Variants in TAFA5 observed in about 807,000 individuals in gnomAD.
TAFA5 encodes TAFA chemokine like family member 5, also known as chemokine-like protein TAFA-5.
Under a neutral mutation model 15.3 loss-of-function variants are expected in TAFA5, and 6 were observed. The observed-to-expected ratio is 0.39, with a 90% CI of 0.21 to 0.77. The LOEUF is 0.77. Among genes scored for constraint, TAFA5 ranks in the 30% least tolerant of loss-of-function variants. The pLI, the probability that TAFA5 is intolerant of heterozygous loss-of-function variation, is 0.41. For missense variants in TAFA5, 161 were observed against 193.1 expected (o/e 0.83, Z 0.98); for synonymous variants, 103 against 80.7 (o/e 1.28, Z -1.48).
At chr22:48,589,000 G>A (rs1924462321) in intron 1 of TAFA5, among the ~76,000 whole-genome samples, 1 of 152,222 alleles carries the variant, frequency 6.6e-6, no homozygotes, top group South Asian at 2.1e-4. Flanking sequence ...AGCCAAGCAG[G>A]CCTTCTGATT....
intron 3 of TAFA5, among the ~76,000 whole-genome samples, chr22:48,720,968 C>T (rs117298139): frequency 0.014 from 2,064 of 152,292 alleles, 24 homozygotes; most frequent in South Asian, 0.055. Context: ...AGTGAAGTCA[C>T]ACCCACGTGA....
intron 1 of TAFA5, among the ~76,000 whole-genome samples, chr22:48,592,139 A>AGTTGCT (rs1195452824): frequency 1.3e-5 from 2 of 152,102 alleles, no homozygotes; most frequent in African/African-American, 2.4e-5. Context: ...CCACGGGTGG[A>AGTTGCT]GTTGCTGTTG....
chr22:48,661,966 G>A (rs996051664), intron 2 of TAFA5, among the ~76,000 whole-genome samples: 6 of 142,168 alleles, frequency 4.2e-5, no homozygotes, highest in African/African-American at 1.3e-4. Context: ...TCATTGGGGT[G>A]CCCACTTTGG....
At chr22:48,626,292 A>G (rs1216858766) in intron 1 of TAFA5, among the ~76,000 whole-genome samples, 2 of 152,192 alleles carry the variant, frequency 1.3e-5, no homozygotes, top group East Asian at 1.9e-4. Context: ...AAGTGGCTGC[A>G]TTATATCGGA....
intron 1 of TAFA5, among the ~76,000 whole-genome samples, chr22:48,509,833 CCCAGCTACTTGGG>C (rs1921144824): frequency 2.6e-5 from 4 of 151,870 alleles, no homozygotes; most frequent in African/African-American, 9.7e-5. Context: ...CGCCTGTAGT[CCCAGCTACTTGGG>C]AGGCTGAGGC....
At chr22:48,583,332 G>A (rs1246592281) in intron 1 of TAFA5, among the ~76,000 whole-genome samples, 1 of 85,660 alleles carries the variant, frequency 1.2e-5, no homozygotes, top group African/African-American at 4.9e-5. Flanking sequence ...CACAAAATAC[G>A]CACACCAGTG....
chr22:48,583,148 CACACACA>C (rs1224887751), intron 1 of TAFA5, among the ~76,000 whole-genome samples: 1 of 141,902 alleles, frequency 7.0e-6, no homozygotes, highest in East Asian at 2.2e-4. Context: ...CACCACACAC[CACACACA>C]AAATATACCA....
rs568405886 is a variant in TAFA5, at chr22:48,750,043, C to T, written c.*196C>T. 57 of 610,044 alleles carry T rather than the reference C, an allele frequency of 9.3e-5. No individual in the cohort carries two copies. The highest frequency in any genetic ancestry group is 9.1e-4 in the African/African-American group (49 of 54,032). 37.8% of individuals were successfully genotyped at this position (610,044 alleles called of 1,614,324 possible). A position where few individuals can be genotyped will look rare whatever the true frequency, so the allele number is the denominator to read the frequency against. The stretch of plus-strand genomic sequence containing the variant: ...GTCTGTCCAGCCGACCCGAGGAGGC[C>T]GGACTCAGACACATAGGCGGGGGGC... On this transcript the variant is annotated 3_prime_UTR_variant, in exon 4 of 4. Transcript: ENST00000402357.
chr22:48,542,571 G>GTAT (rs1922475485), intron 1 of TAFA5, among the ~76,000 whole-genome samples: 1 of 129,144 alleles, frequency 7.7e-6, no homozygotes, highest in Admixed American at 7.9e-5. Flanking sequence ...TGTGGTGTGT[G>GTAT]TGGTGTGTGT....
chr22:48,674,031 TCGCCCGCCTCACATCTGGACTCCTC>T (rs993890813), intron 2 of TAFA5, among the ~76,000 whole-genome samples: 8 of 143,826 alleles, frequency 5.6e-5, no homozygotes, highest in Admixed American at 3.4e-4. Flanking sequence ...GGACTCCTCT[TCGCCCGCCTCACATCTGGACTCCTC>T]TGCCCGCCTC....
chr22:48,688,992 GAAAAAAA>G (rs78797172), intron 2 of TAFA5, among the ~76,000 whole-genome samples: 1,586 of 82,566 alleles, frequency 0.019, 38 homozygotes, highest in African/African-American at 0.063. Flanking sequence ...ACTTGTCTCG[GAAAAAAA>G]AAAAAAAAAA....
At chr22:48,737,384 C>T (rs924147684) in intron 3 of TAFA5, among the ~76,000 whole-genome samples, 1 of 152,222 alleles carries the variant, frequency 6.6e-6, no homozygotes, top group Non-Finnish European at 1.5e-5. Context: ...GCTTCTGACG[C>T]TGCCTTTGAG....
chr22:48,542,017 T>C (rs987469059), intron 1 of TAFA5, among the ~76,000 whole-genome samples: 1 of 152,154 alleles, frequency 6.6e-6, no homozygotes, highest in Non-Finnish European at 1.5e-5. Flanking sequence ...CTGTGGTTCT[T>C]GTCACCCGGG....
chr22:48,633,064 C>G (rs552373604), intron 1 of TAFA5, among the ~76,000 whole-genome samples: 1 of 152,288 alleles, frequency 6.6e-6, no homozygotes, highest in East Asian at 1.9e-4. Flanking sequence ...GGGCCAGGCC[C>G]CATGGAGGCA....
chr22:48,665,159 C>T lies in TAFA5; in HGVS notation c.262+18413C>T, dbSNP rs562575969. The stretch of plus-strand genomic sequence containing the variant: ...TTCGTGGACTTGGTTTTTTCTGCTG[C>T]GTCAAGATCCTGGGCATGACTCTAC... On this transcript the variant is annotated intron_variant, in intron 2 of 3. Coordinates refer to ENST00000402357, the MANE Select transcript of TAFA5 (RefSeq NM_001082967.3). Among the ~76,000 whole-genome samples the T allele has an allele frequency of 8.5e-5, 13 of 152,272 alleles. No homozygotes were observed. The East Asian group carries it at 1.5e-3, about 18-fold the overall frequency.
chr22:48,724,718 T>C (rs1929666716), intron 3 of TAFA5, among the ~76,000 whole-genome samples: 1 of 152,338 alleles, frequency 6.6e-6, no homozygotes, highest in South Asian at 2.1e-4. Context: ...CCTCCTGTAA[T>C]GCACAAAAAG....
intron 2 of TAFA5, among the ~76,000 whole-genome samples, chr22:48,655,830 C>CTTTTTTTTGTTTTTT (rs1927218199): frequency 1.6e-5 from 1 of 62,410 alleles, no homozygotes. Flanking sequence ...AACACTGATT[C>CTTTTTTTTGTTTTTT]TTTTTTTTTT....
At chr22:48,679,750 C>T (rs1282379973) in intron 2 of TAFA5, among the ~76,000 whole-genome samples, 2 of 112,888 alleles carry the variant, frequency 1.8e-5, no homozygotes, top group Non-Finnish European at 3.6e-5. Context: ...CCTGGCTCCC[C>T]AGCTCCCCGT....
chr22:48,748,091 C>T (rs960441139), intron 3 of TAFA5, among the ~76,000 whole-genome samples: 1 of 152,170 alleles, frequency 6.6e-6, no homozygotes, highest in African/African-American at 2.4e-5. Context: ...ACGCGCTCCA[C>T]AGGCTCAGGA....
Sources: gnomAD v4.1 joint callset for allele counts (sites outside exome capture counted in the v4.1 genomes callset) on GRCh38, gnomAD v4.1.1 for gene constraint, MANE v1.5 for transcripts, NCBI Gene and HGNC (gene_info 2026-07-23, HGNC 2026-07-21) for gene names.